The following TMPRSS11A variants were observed in gnomAD, a reference collection of about 807,000 sequenced individuals.
TMPRSS11A encodes the protein transmembrane protease serine 11A.
A neutral mutation model predicts 58.9 loss-of-function variants in TMPRSS11A; 53 were observed. The ratio of observed to expected loss-of-function variants is 0.90; its 90% CI spans 0.72 to 1.13. The LOEUF is 1.13. TMPRSS11A is among the 50% of genes most tolerant of loss of function. The pLI is 0.00. For missense variants in TMPRSS11A, 493 were observed against 499.3 expected, an observed-to-expected ratio of 0.99 and a Z score of 0.12; for synonymous variants, 167 against 169.8, an observed-to-expected ratio of 0.98 and a Z score of 0.13.
chr4:67,912,896 G>A (rs182787749), intron 9 of TMPRSS11A, among the ~76,000 whole-genome samples: 200 of 152,004 alleles, frequency 1.3e-3, no homozygotes, highest in Non-Finnish European at 1.8e-3. Context: ...GTACACTCGC[G>A]TTTTATGTTT....
chr4:67,924,213 G>A, intron 5 of TMPRSS11A, 47 bp from the exon 6 acceptor site: 2 of 1,565,928 alleles, frequency 1.3e-6, no homozygotes, highest in Non-Finnish European at 1.8e-6. Flanking sequence ...TATTTTCCTG[G>A]TTGGTCTCAA....
intron 3 of TMPRSS11A, among the ~76,000 whole-genome samples, 171 bp from the exon 4 acceptor site, chr4:67,932,231 A>G (rs537083701): frequency 6.6e-6 from 1 of 152,308 alleles, no homozygotes; most frequent in African/African-American, 2.4e-5. Flanking sequence ...TGAATTAAAA[A>G]AATTTATGGA....
At chr4:67,941,853 A>C (rs900557776) in intron 3 of TMPRSS11A, among the ~76,000 whole-genome samples, 7 of 151,862 alleles carry the variant, frequency 4.6e-5, no homozygotes, top group Admixed American at 4.6e-4. Context: ...TTCAAAATAC[A>C]ATCATAAGGC....
At chr4:67,949,784 G>A (rs912248835) in intron 1 of TMPRSS11A, among the ~76,000 whole-genome samples, 2 of 152,096 alleles carry the variant, frequency 1.3e-5, no homozygotes, top group African/African-American at 2.4e-5. Flanking sequence ...GCTTGAACCC[G>A]GGAGATGGAG....
At position 67,939,339 on chromosome 4, in the gene TMPRSS11A, A is replaced by T. The variant is rs180988865; in HGVS notation, c.252+5180T>A. 1.2e-3 allele frequency among the ~76,000 whole-genome samples: 190 copies of T among 152,342 alleles called. 1 individual carries two copies. The highest frequency in any genetic ancestry group is 4.5e-3 in the African/African-American group (187 of 41,596). On this transcript the variant is annotated intron_variant, in intron 3 of 9. Transcript: ENST00000508048. The stretch of plus-strand genomic sequence containing the variant: ...GTAAAGTCTTTAGGGTTTTCTAGGC[A>T]TATAATCATATTGTCAGTAAAGAGA...
chr4:67,913,196 C>T (rs1296668777), intron 9 of TMPRSS11A, among the ~76,000 whole-genome samples: 1 of 152,016 alleles, frequency 6.6e-6, no homozygotes, highest in Non-Finnish European at 1.5e-5. Flanking sequence ...AATGTGAGCC[C>T]AAGAGTTCAT....
intron 4 of TMPRSS11A, among the ~76,000 whole-genome samples, chr4:67,931,630 A>C (rs771352211): frequency 5.9e-5 from 9 of 152,302 alleles, no homozygotes; most frequent in Non-Finnish European, 1.2e-4. Flanking sequence ...AAATAATATA[A>C]TTGTCAACAT....
rs759271084 is a variant in TMPRSS11A, at chr4:67,911,446, C to T, written c.1153G>A (p.Gly385Arg). ...RDLKDTWYLI[G>R]IVSWGDNCGQ... ...CAGTTATCTCCCCAGCTTACAATTC[C>T]AATGAGATACCACGTATCTTTCAGA... Residue 385 changes from glycine to arginine, a missense_variant, in exon 10 of 10, where the codon GGA becomes AGA. Gly to Arg is a moderately radical substitution (Grantham distance 125, BLOSUM62 -2). Transcript: ENST00000508048. The T allele has an allele frequency of 1.9e-6, 3 of 1,613,452 alleles. No homozygotes were observed. Among genetic ancestry groups the T allele is most frequent in the South Asian group, 1.1e-5 (1 of 91,010 alleles).
In TMPRSS11A at chr4:67,961,483, C is replaced by CTTTTTTTTTTTTTTTTTTTTTTTTT. The variant is rs1553924063; in HGVS notation, c.11+1875_11+1899dup. Reference sequence around the variant, plus strand: ...TTTTCTTTCCTTTCCTTTTCTTTTCCTTTTTTTTTTTTTTTTTTTTTTTTT... The same window carrying CTTTTTTTTTTTTTTTTTTTTTTTTT: ...TTTTCTTTCCTTTCCTTTTCTTTTCCTTTTTTTTTTTTTTTTTTTTTTTTTTTTTTTTTTTTTTTTTTTTTTTTTT... On this transcript the variant is annotated intron_variant, in intron 1 of 9. Transcript: ENST00000508048. Among the ~76,000 whole-genome samples, 2 of 7,162 alleles carry CTTTTTTTTTTTTTTTTTTTTTTTTT rather than the reference C, an allele frequency of 2.8e-4. 1 individual carries two copies. The allele number at this position is 7,162 out of a possible 152,430, so 4.7% of individuals were successfully genotyped here. A position where few individuals can be genotyped will look rare whatever the true frequency, so the allele number is the denominator to read the frequency against.
At chr4:67,963,157 C>G (rs1156993560) in intron 1 of TMPRSS11A, among the ~76,000 whole-genome samples, 1 of 152,148 alleles carries the variant, frequency 6.6e-6, no homozygotes, top group Non-Finnish European at 1.5e-5. Flanking sequence ...AACTATTGAA[C>G]TTGGCCACAT....
At chr4:67,928,317 A>G (rs989838639) in intron 5 of TMPRSS11A, among the ~76,000 whole-genome samples, 1 of 152,182 alleles carries the variant, frequency 6.6e-6, no homozygotes, top group Non-Finnish European at 1.5e-5. Context: ...AAGTGCTGGA[A>G]TTATAGGCTT....
At chr4:67,930,828 T>TTA (rs1720595818) in intron 4 of TMPRSS11A, among the ~76,000 whole-genome samples, 1 of 125,482 alleles carries the variant, frequency 8.0e-6, no homozygotes, top group Non-Finnish European at 1.6e-5. Context: ...TTTTTTTTTT[T>TTA]TACAAAAAAA....
rs1219748209 is a variant in TMPRSS11A, at chr4:67,919,000, T to C, written c.925A>G (p.Thr309Ala). The part of the protein sequence containing the change: ...SFQPNLTVHI[T>A]GFGALYYGGE... ...CCATAGTAAAGTGCTCCAAATCCTG[T>C]GATGTGGACAGTCAAATTTGGTTGG... is the stretch of plus-strand genomic sequence containing the variant. The change falls in exon 8 of 10, where the codon ACA becomes GCA. Residue 309 changes from threonine (T) to alanine (A), a missense_variant. By Grantham distance (58) the Thr-to-Ala change is moderately conservative. Coordinates refer to ENST00000508048, the MANE Select transcript of TMPRSS11A (RefSeq NM_001114387.2). The C allele has an allele frequency of 1.9e-6, 3 of 1,614,008 alleles. No homozygotes were observed. Among genetic ancestry groups the C allele is most frequent in the Non-Finnish European group, 2.5e-6 (3 of 1,180,022 alleles).
intron 1 of TMPRSS11A, among the ~76,000 whole-genome samples, chr4:67,957,739 T>A (rs1275162258): frequency 6.6e-6 from 1 of 152,146 alleles, no homozygotes; most frequent in Non-Finnish European, 1.5e-5. Flanking sequence ...AGGAGCTGAA[T>A]GTTAATCACC....
chr4:67,944,477 A>G (rs1191682676), intron 3 of TMPRSS11A, 42 bp downstream of exon 3: 1 of 1,581,462 alleles, frequency 6.3e-7, no homozygotes, highest in African/African-American at 1.4e-5. Context: ...AATCCCTTCC[A>G]CTTGCATTAT....
intron 3 of TMPRSS11A, among the ~76,000 whole-genome samples, chr4:67,942,029 G>A (rs6854601): frequency 0.55 from 83,451 of 151,968 alleles, 24,104 homozygotes; most frequent in African/African-American, 0.68. Context: ...CAAATAAGGT[G>A]AAAAAGCAAG....
chr4:67,941,472 T>A (rs999967866), intron 3 of TMPRSS11A, among the ~76,000 whole-genome samples: 3 of 152,210 alleles, frequency 2.0e-5, no homozygotes, highest in Admixed American at 6.5e-5. Flanking sequence ...AACATGTAAT[T>A]TAGCCCTTAA....
chr4:67,954,210 A>G (rs1003351390), intron 1 of TMPRSS11A, among the ~76,000 whole-genome samples: 1 of 152,202 alleles, frequency 6.6e-6, no homozygotes, highest in Non-Finnish European at 1.5e-5. Context: ...AATGAAACAG[A>G]AAAAGGGAAA....
At chr4:67,930,071 A>C in intron 4 of TMPRSS11A, 31 bp from the exon 5 acceptor site, 1 of 1,589,036 alleles carries the variant, frequency 6.3e-7, no homozygotes, top group Non-Finnish European at 8.6e-7. Flanking sequence ...GTACATTTTC[A>C]AAGAATACAC....
Sources: gnomAD v4.1 joint callset for allele counts (sites outside exome capture counted in the v4.1 genomes callset) on GRCh38, gnomAD v4.1.1 for gene constraint, MANE v1.5 for transcripts, NCBI Gene and HGNC (gene_info 2026-07-23, HGNC 2026-07-21) for gene names.